The following FSTL4 variants were observed in gnomAD, a reference collection of about 807,000 sequenced individuals.
The protein encoded by FSTL4 is follistatin-related protein 4.
A neutral mutation model predicts 78.2 loss-of-function variants in FSTL4; 28 were observed. The observed-to-expected ratio is 0.36, with a 90% confidence interval of 0.27 to 0.49. The LOEUF (loss-of-function observed/expected upper bound fraction) is 0.49. FSTL4 is among the 20% of genes least tolerant of loss of function. FSTL4 has a pLI of 0.98. For missense variants in FSTL4, 922 were observed against 1,084.9 expected, an observed-to-expected ratio of 0.85 and a Z score of 2.11; for synonymous variants, 422 against 440.5, an observed-to-expected ratio of 0.96 and a Z score of 0.53.
At chr5:133,753,291 G>A in the FSTL4 span, among the ~76,000 whole-genome samples, 2 of 152,140 alleles carry the variant, frequency 1.3e-5, no homozygotes, top group Non-Finnish European at 2.9e-5. Context: ...ACCAGAAAAT[G>A]AAAATTGGAC....
At chr5:133,790,440 A>G in the FSTL4 span, among the ~76,000 whole-genome samples, 1 of 152,230 alleles carries the variant, frequency 6.6e-6, no homozygotes, top group Admixed American at 6.5e-5. Context: ...GGCATTTAAA[A>G]CCAAATAAAA....
At chr5:133,514,542 A>G (rs1758815389) in intron 3 of FSTL4, among the ~76,000 whole-genome samples, 1 of 152,228 alleles carries the variant, frequency 6.6e-6, no homozygotes, top group Non-Finnish European at 1.5e-5. Context: ...AGTTTCCACT[A>G]CACACAGACA....
chr5:133,766,966 C>T, the FSTL4 span, among the ~76,000 whole-genome samples: 1 of 152,062 alleles, frequency 6.6e-6, no homozygotes, highest in Non-Finnish European at 1.5e-5. Context: ...AGCAAAAGTG[C>T]GAAGACAGGT....
chr5:133,685,331 G>A, the FSTL4 span, among the ~76,000 whole-genome samples: 11 of 152,204 alleles, frequency 7.2e-5, no homozygotes, highest in African/African-American at 2.7e-4. Flanking sequence ...CTCCTCGGAA[G>A]AAACATGACA....
At chr5:133,257,104 G>A (rs1752398133) in intron 6 of FSTL4, among the ~76,000 whole-genome samples, 1 of 152,244 alleles carries the variant, frequency 6.6e-6, no homozygotes. Flanking sequence ...TTTTAAGCAA[G>A]TGAACTATTA....
intron 3 of FSTL4, among the ~76,000 whole-genome samples, chr5:133,522,997 C>A (rs1001633318): frequency 1.3e-5 from 2 of 152,042 alleles, no homozygotes; most frequent in Non-Finnish European, 2.9e-5. Flanking sequence ...CCGAGTCCCC[C>A]CTACCCCACA....
chr5:133,776,287 T>G, the FSTL4 span, among the ~76,000 whole-genome samples: 2 of 152,334 alleles, frequency 1.3e-5, no homozygotes, highest in Non-Finnish European at 2.9e-5. Flanking sequence ...TGTCCCAAGC[T>G]GCCTTTATGC....
the FSTL4 span, among the ~76,000 whole-genome samples, chr5:133,780,036 T>C: frequency 5.9e-5 from 9 of 152,068 alleles, no homozygotes; most frequent in African/African-American, 1.9e-4. Flanking sequence ...ACAGCATGGG[T>C]CACTCCTGGA....
At chr5:133,813,325 T>C in the FSTL4 span, among the ~76,000 whole-genome samples, 1 of 152,238 alleles carries the variant, frequency 6.6e-6, no homozygotes, top group Admixed American at 6.5e-5. Flanking sequence ...ATAATAAAAA[T>C]AGTATAATTT....
chr5:133,498,175 G>A (rs966003688), intron 3 of FSTL4, among the ~76,000 whole-genome samples: 16 of 152,166 alleles, frequency 1.1e-4, no homozygotes, highest in Non-Finnish European at 1.8e-4. Context: ...CTCACCGCAC[G>A]GTGACTGCCT....
Position 133,426,131 on chromosome 5 carries a change from G to C in FSTL4, c.161-25145C>G, listed in dbSNP as rs973273826. ...TTCCTCATTGCCCCAACATCCCTGA[G>C]AGTGTGCCTTTGATCTCAAAAGAAG... On this transcript the variant is annotated intron_variant, in intron 3 of 15. Coordinates refer to ENST00000265342, the MANE Select transcript of FSTL4 (RefSeq NM_015082.2). This position sits in a 1 kb window ranked among gnomAD's most constrained non-coding sequence, Gnocchi z 5.0. 6.6e-6 allele frequency among the ~76,000 whole-genome samples: 1 copy of C among 152,196 alleles called. No individual in the cohort carries two copies. The highest frequency in any genetic ancestry group is 2.4e-5 in the African/African-American group (1 of 41,452).
intron 3 of FSTL4, among the ~76,000 whole-genome samples, chr5:133,523,577 C>CA (rs34255378): frequency 0.14 from 20,787 of 152,180 alleles, 1,505 homozygotes; most frequent in Non-Finnish European, 0.15. Context: ...AAGTGAAAAT[C>CA]ATGTAACATT....
chr5:133,204,168 A>G (rs1282248036), intron 14 of FSTL4, among the ~76,000 whole-genome samples: 1 of 152,222 alleles, frequency 6.6e-6, no homozygotes, highest in Admixed American at 6.5e-5. Context: ...CATGGTATCC[A>G]GAGGACAGGC....
the FSTL4 span, among the ~76,000 whole-genome samples, chr5:133,789,973 G>C: frequency 1.3e-5 from 2 of 152,032 alleles, no homozygotes; most frequent in South Asian, 4.1e-4. Context: ...ACCCCATAAC[G>C]CTGGGTCTGC....
intron 3 of FSTL4, among the ~76,000 whole-genome samples, chr5:133,557,842 TG>T (rs1759821705): frequency 6.6e-6 from 1 of 152,184 alleles, no homozygotes; most frequent in African/African-American, 2.4e-5. Context: ...TTGAGCTAGT[TG>T]GGTTGGGGTT....
At chr5:133,632,853 A>AT in the FSTL4 span, among the ~76,000 whole-genome samples, 15 of 151,770 alleles carry the variant, frequency 9.9e-5, no homozygotes, top group Middle Eastern at 3.4e-3. Context: ...CACTCAGCTA[A>AT]TTTTTTTTGT....
At chr5:133,371,553 CAA>C (rs1755300864) in intron 4 of FSTL4, among the ~76,000 whole-genome samples, 1 of 152,172 alleles carries the variant, frequency 6.6e-6, no homozygotes, top group African/African-American at 2.4e-5. Context: ...TTGTCTGGCA[CAA>C]CACAAGAGCT....
the FSTL4 span, among the ~76,000 whole-genome samples, chr5:133,803,141 C>A: frequency 6.6e-6 from 1 of 152,188 alleles, no homozygotes; most frequent in East Asian, 1.9e-4. Flanking sequence ...TCTGACCTTA[C>A]CTGAAGGCAA....
intron 6 of FSTL4, among the ~76,000 whole-genome samples, chr5:133,304,682 C>A (rs959065626): frequency 1.3e-5 from 2 of 152,194 alleles, no homozygotes; most frequent in African/African-American, 4.8e-5. Flanking sequence ...CCGGTCCCAC[C>A]ATGCAGCTGT....
Sources: allele counts gnomAD v4.1 joint callset (sites outside exome capture counted in the v4.1 genomes callset), GRCh38; gene constraint gnomAD v4.1.1; non-coding constraint Gnocchi (gnomAD v3.1); transcripts MANE v1.5; gene names NCBI Gene and HGNC (gene_info 2026-07-23, HGNC 2026-07-21).